HTR1F: variants seen among roughly 807,000 people sequenced by gnomAD.
HTR1F encodes 5-hydroxytryptamine (serotonin) receptor 1F, G protein-coupled.
In HTR1F, 17 loss-of-function variants were observed where a neutral mutation model predicts 24.0. The ratio of observed to expected loss-of-function variants is 0.71; its 90% CI spans 0.48 to 1.06. The LOEUF (loss-of-function observed/expected upper bound fraction) is 1.06. HTR1F is among the 50% of genes least tolerant of loss of function. The pLI, the probability that HTR1F is intolerant of heterozygous loss-of-function variation, is 0.00. For missense variants in HTR1F, 391 were observed against 427.8 expected, an observed-to-expected ratio of 0.91 and a Z score of 0.76; for synonymous variants, 186 against 156.8, an observed-to-expected ratio of 1.19 and a Z score of -1.39.
intron 2 of HTR1F, among the ~76,000 whole-genome samples, chr3:87,956,588 T>G (rs1576086897): frequency 6.6e-6 from 1 of 151,506 alleles, no homozygotes; most frequent in Middle Eastern, 3.4e-3. Flanking sequence ...TTGGGAATAA[T>G]TAACATTTTA....
At chr3:87,808,536 T>C (rs1704109776) in intron 1 of HTR1F, among the ~76,000 whole-genome samples, 1 of 151,858 alleles carries the variant, frequency 6.6e-6, no homozygotes, top group African/African-American at 2.4e-5. Context: ...AAGTGATTTA[T>C]TTATTTTGAT....
At chr3:87,847,101 A>G (rs1007724732) in intron 2 of HTR1F, among the ~76,000 whole-genome samples, 4 of 151,850 alleles carry the variant, frequency 2.6e-5, no homozygotes, top group Non-Finnish European at 4.4e-5. Context: ...TACATAAATG[A>G]TCATTCAACA....
At chr3:87,963,807 T>C (rs1331600945) in intron 2 of HTR1F, among the ~76,000 whole-genome samples, 1 of 152,142 alleles carries the variant, frequency 6.6e-6, no homozygotes, top group Non-Finnish European at 1.5e-5. Context: ...TATCCCAACC[T>C]ATCTAGCAAC....
At chr3:87,896,056 G>A (rs1382519033) in intron 2 of HTR1F, among the ~76,000 whole-genome samples, 3 of 152,200 alleles carry the variant, frequency 2.0e-5, no homozygotes, top group Admixed American at 6.5e-5. Flanking sequence ...AGAAATGGTT[G>A]TGAATCATTG....
intron 2 of HTR1F, among the ~76,000 whole-genome samples, chr3:87,969,645 A>G (rs1705244839): frequency 6.6e-6 from 1 of 152,224 alleles, no homozygotes; most frequent in African/African-American, 2.4e-5. Flanking sequence ...GCCTTGTCTC[A>G]GATGAGACTT....
intron 2 of HTR1F, among the ~76,000 whole-genome samples, chr3:87,909,724 C>T (rs561618571): frequency 1.3e-5 from 2 of 152,098 alleles, no homozygotes; most frequent in South Asian, 4.1e-4. Flanking sequence ...CAGACAGCCC[C>T]AGAGTCTTTA....
At chr3:87,906,717 A>C (rs1229171791) in intron 2 of HTR1F, among the ~76,000 whole-genome samples, 1 of 150,606 alleles carries the variant, frequency 6.6e-6, no homozygotes. Context: ...CCGGGTCCCC[A>C]AAGTTCATTG....
intron 1 of HTR1F, among the ~76,000 whole-genome samples, chr3:87,794,005 C>T (rs1287136413): frequency 6.8e-6 from 1 of 147,830 alleles, no homozygotes; most frequent in Non-Finnish European, 1.5e-5. Context: ...AACAGGAAAA[C>T]AGTACAAATT....
intron 2 of HTR1F, among the ~76,000 whole-genome samples, chr3:87,957,195 T>A (rs1266063919): frequency 6.6e-6 from 1 of 151,358 alleles, no homozygotes; most frequent in Non-Finnish European, 1.5e-5. Flanking sequence ...ACTTTTTTTC[T>A]GATTCCAGTG....
intron 2 of HTR1F, among the ~76,000 whole-genome samples, chr3:87,926,503 G>C (rs937124529): frequency 6.6e-6 from 1 of 152,050 alleles, no homozygotes; most frequent in East Asian, 1.9e-4. Flanking sequence ...ATTTTGATGA[G>C]ATATTGTTCA....
chr3:87,866,891 G>A (rs1407020230), intron 2 of HTR1F, among the ~76,000 whole-genome samples: 1 of 151,304 alleles, frequency 6.6e-6, no homozygotes, highest in African/African-American at 2.4e-5. Flanking sequence ...AAGAAAAGGT[G>A]TGTAGTACCA....
At chr3:87,969,140 G>A (rs1705232705) in intron 2 of HTR1F, among the ~76,000 whole-genome samples, 1 of 152,242 alleles carries the variant, frequency 6.6e-6, no homozygotes, top group African/African-American at 2.4e-5. Context: ...CCCTCATGAA[G>A]AACCTCTGCT....
At chr3:87,822,175 GA>G (rs566682404) in intron 2 of HTR1F, among the ~76,000 whole-genome samples, 51 bp downstream of exon 2, 38 of 148,622 alleles carry the variant, frequency 2.6e-4, no homozygotes, top group East Asian at 1.8e-3. Context: ...GACAATTAGT[GA>G]AAAAAAAAAT....
At chr3:87,803,732 G>A (rs769924785) in intron 1 of HTR1F, among the ~76,000 whole-genome samples, 2 of 152,160 alleles carry the variant, frequency 1.3e-5, no homozygotes, top group African/African-American at 4.8e-5. Context: ...GAATACTTCT[G>A]CCCAGTGTAC....
intron 2 of HTR1F, among the ~76,000 whole-genome samples, chr3:87,890,386 T>G (rs934009877): frequency 3.4e-4 from 51 of 152,190 alleles, no homozygotes; most frequent in Non-Finnish European, 1.3e-4. Flanking sequence ...AGCAATCCTT[T>G]GCGGAGTGAA....
intron 1 of HTR1F, among the ~76,000 whole-genome samples, chr3:87,804,085 A>G (rs992347950): frequency 6.6e-6 from 1 of 152,098 alleles, no homozygotes; most frequent in African/African-American, 2.4e-5. Flanking sequence ...TTCATTTTTA[A>G]TATGTTTTAT....
chr3:87,867,341 T>C (rs1296196175), intron 2 of HTR1F, among the ~76,000 whole-genome samples: 1 of 151,602 alleles, frequency 6.6e-6, no homozygotes, highest in East Asian at 1.9e-4. Flanking sequence ...ATGTTCTATC[T>C]TACCTTTCTC....
intron 2 of HTR1F, among the ~76,000 whole-genome samples, chr3:87,907,433 G>A (rs192971597): frequency 2.7e-4 from 40 of 150,074 alleles, no homozygotes; most frequent in Middle Eastern, 3.5e-3. Context: ...GTCCGTTGTT[G>A]GATGTATATT....
At chr3:87,823,229 T>A (rs964310080) in intron 2 of HTR1F, among the ~76,000 whole-genome samples, 3 of 152,214 alleles carry the variant, frequency 2.0e-5, no homozygotes, top group Non-Finnish European at 2.9e-5. Context: ...TGTAACAGTT[T>A]ATATTAATTT....
Sources: allele counts gnomAD v4.1 joint callset (sites outside exome capture counted in the v4.1 genomes callset), GRCh38; gene constraint gnomAD v4.1.1; transcripts MANE v1.5; gene names NCBI Gene and HGNC (gene_info 2026-07-23, HGNC 2026-07-21).